AMBRA1: variants seen among roughly 807,000 people sequenced by gnomAD.
The protein encoded by AMBRA1 is autophagy and beclin 1 regulator 1.
A neutral mutation model predicts 125.4 loss-of-function variants in AMBRA1; 47 were observed. The ratio of observed to expected loss-of-function variants is 0.37; its 90% CI spans 0.30 to 0.48. AMBRA1 has a LOEUF of 0.48. Among genes scored for constraint, AMBRA1 ranks in the 20% least tolerant of loss-of-function variants. The pLI is 0.99. For missense variants in AMBRA1, 1,331 were observed against 1,693.4 expected, an observed-to-expected ratio of 0.79 and a Z score of 3.76; for synonymous variants, 626 against 655.5, an observed-to-expected ratio of 0.95 and a Z score of 0.69.
intron 1 of AMBRA1, among the ~76,000 whole-genome samples, chr11:46,569,438 A>ATATATATATATAT (rs1320055263): frequency 3.0e-5 from 4 of 134,272 alleles, no homozygotes; most frequent in Non-Finnish European, 4.6e-5. Context: ...TAAAAAAAAA[A>ATATATATATATAT]AAATATATAT....
chr11:46,440,468 T>C (rs1947949736), intron 12 of AMBRA1, among the ~76,000 whole-genome samples: 2 of 152,180 alleles, frequency 1.3e-5, no homozygotes, highest in Admixed American at 1.3e-4. Flanking sequence ...GGAGGAGTGG[T>C]AGGATTTGGG....
rs59904013 is a variant in AMBRA1 at position 46,527,477 on chromosome 11, CAAAAAA to C, written c.2072+14462_2072+14467del. ...CCTAGGTGACAAAGTGAGACTGTCT[CAAAAAA>C]AAAAAAAAAAAAAAAAAAAAAGGCA... On this transcript the variant is annotated intron_variant, in intron 7 of 17. Transcript: ENST00000683756. 1.3e-3 allele frequency among the ~76,000 whole-genome samples: 35 copies of C among 25,938 alleles called. No individual in the cohort carries two copies. In the South Asian group the frequency reaches 0.014, roughly 10 times the overall value. The allele number at this position is 25,938 out of a possible 152,430, so 17.0% of individuals were successfully genotyped here.
At position 46,408,447 on chromosome 11, in the gene AMBRA1, G is replaced by A. The variant is rs1008494941; in HGVS notation, c.3403+66C>T. On this transcript the variant is annotated intron_variant, in intron 17 of 17. Coordinates refer to ENST00000683756, the MANE Select transcript of AMBRA1 (RefSeq NM_001387011.1). ...ATGGGAGGGGGTATGCATCCTGAGT[G>A]GGAAGTGGCACTCACTCGGTCTTAG... 7.2e-6 allele frequency: 10 copies of A among 1,393,890 alleles called. No homozygotes were observed. The African/African-American group carries it at 1.2e-4, about 16-fold the overall frequency. 86.3% of individuals were successfully genotyped at this position (1,393,890 alleles called of 1,614,324 possible).
Position 46,520,538 on chromosome 11 carries a change from C to T in AMBRA1, c.2073-7725G>A, listed in dbSNP as rs1459153441. Among the ~76,000 whole-genome samples, 5 of 152,004 alleles carry T rather than the reference C, an allele frequency of 3.3e-5. No individual in the cohort carries two copies. In the Middle Eastern group the frequency reaches 0.01, roughly 312 times the overall value. ...GCCTTCAAAGCTCAAATACCTGACT[C>T]CTCCAGCCAGAAGTTCACCCTCTCT... On this transcript the variant is annotated intron_variant, in intron 7 of 17. Coordinates refer to ENST00000683756, the MANE Select transcript of AMBRA1 (RefSeq NM_001387011.1).
intron 7 of AMBRA1, among the ~76,000 whole-genome samples, chr11:46,536,783 C>G (rs927537641): frequency 2.0e-5 from 3 of 152,202 alleles, no homozygotes; most frequent in African/African-American, 7.2e-5. Flanking sequence ...GCAATTCCCC[C>G]ATAAAAGTCT....
chr11:46,572,529 G>A (rs1011293244), intron 1 of AMBRA1, among the ~76,000 whole-genome samples: 3 of 152,072 alleles, frequency 2.0e-5, no homozygotes, highest in East Asian at 1.9e-4. Flanking sequence ...CATCAAAAAC[G>A]AGCACACTAA....
At chr11:46,583,204 AC>A (rs1023794090) in intron 1 of AMBRA1, among the ~76,000 whole-genome samples, 2 of 152,122 alleles carry the variant, frequency 1.3e-5, no homozygotes, top group Middle Eastern at 3.4e-3. Flanking sequence ...CCGCATATCT[AC>A]AACTATCTGA....
intron 9 of AMBRA1, chr11:46,494,565 C>T (rs574565975): frequency 8.9e-5 from 15 of 169,266 alleles, no homozygotes; most frequent in Non-Finnish European, 1.7e-4. Flanking sequence ...GGGGGGTTGT[C>T]TTACATTATT....
At chr11:46,454,873 C>CTTT (rs1008795533) in intron 11 of AMBRA1, among the ~76,000 whole-genome samples, 21 of 134,434 alleles carry the variant, frequency 1.6e-4, no homozygotes, top group African/African-American at 5.0e-4. Context: ...CTGGTATTAG[C>CTTT]TTTTTTTTTT....
chr11:46,579,315 T>G (rs572193556), intron 1 of AMBRA1, among the ~76,000 whole-genome samples: 1 of 151,628 alleles, frequency 6.6e-6, no homozygotes, highest in African/African-American at 2.4e-5. Context: ...AAATTAGCCG[T>G]GTGTGGTGGT....
intron 1 of AMBRA1, among the ~76,000 whole-genome samples, chr11:46,575,318 G>A (rs781075781): frequency 9.9e-5 from 15 of 151,684 alleles, no homozygotes; most frequent in Non-Finnish European, 1.9e-4. Flanking sequence ...TTATCCCAGC[G>A]TGGTGGCACG....
In AMBRA1 at chr11:46,547,230, A is replaced by G. The variant is rs1319438961; in HGVS notation, c.261T>C (p.Cys87=). ...IYITEVKTGK[C]VHSLIGHRRT... ...GGCGGTGTCCAATCAGGGAATGAACACACTTGCCAGTCTTCACCTCCGTAA... is the reference window on the plus strand; with the variant it reads ...GGCGGTGTCCAATCAGGGAATGAACGCACTTGCCAGTCTTCACCTCCGTAA... The change falls in exon 4 of 18, where the codon TGT becomes TGC. Residue 87 remains cysteine, a synonymous_variant. Transcript: ENST00000683756. The G allele has an allele frequency of 3.7e-6, 6 of 1,613,994 alleles. No individual in the cohort carries two copies. In the Admixed American group the frequency reaches 1.0e-4, roughly 27 times the overall value.
chr11:46,576,719 G>A (rs185661600), intron 1 of AMBRA1, among the ~76,000 whole-genome samples: 2 of 152,174 alleles, frequency 1.3e-5, no homozygotes, highest in Admixed American at 1.3e-4. Flanking sequence ...AACACCACCT[G>A]AACAATATCC....
At chr11:46,434,115 C>CAAAA (rs145761376) in intron 13 of AMBRA1, among the ~76,000 whole-genome samples, 917 of 49,974 alleles carry the variant, frequency 0.018, no homozygotes, top group East Asian at 0.036. Context: ...AACTCCGTCT[C>CAAAA]AAAAAAAAAA....
chr11:46,564,171 A>C (rs990948817), intron 1 of AMBRA1, among the ~76,000 whole-genome samples: 4 of 150,810 alleles, frequency 2.7e-5, no homozygotes, highest in Non-Finnish European at 4.4e-5. Context: ...AAAACGTAAG[A>C]GCAATCTTAA....
chr11:46,487,546 T>C (rs1950308955), intron 11 of AMBRA1, among the ~76,000 whole-genome samples: 2 of 152,078 alleles, frequency 1.3e-5, no homozygotes, highest in Admixed American at 1.3e-4. Context: ...TATTAATATA[T>C]ATATAACAGC....
intron 14 of AMBRA1, among the ~76,000 whole-genome samples, chr11:46,426,349 A>G (rs1947134258): frequency 6.6e-6 from 1 of 152,200 alleles, no homozygotes; most frequent in East Asian, 1.9e-4. Flanking sequence ...AAAAGACCAG[A>G]AGAAGCCAGG....
At chr11:46,532,585 C>T (rs1418184897) in intron 7 of AMBRA1, among the ~76,000 whole-genome samples, 1 of 152,118 alleles carries the variant, frequency 6.6e-6, no homozygotes, top group Non-Finnish European at 1.5e-5. Context: ...TACAGGCACC[C>T]ACCACCATGC....
intron 11 of AMBRA1, among the ~76,000 whole-genome samples, chr11:46,460,165 A>T (rs770568717): frequency 3.9e-5 from 6 of 152,260 alleles, no homozygotes; most frequent in Admixed American, 1.3e-4. Flanking sequence ...AATGTTCATC[A>T]ATCGGGAACA....
Sources: gnomAD v4.1 joint callset for allele counts (sites outside exome capture counted in the v4.1 genomes callset) on GRCh38, gnomAD v4.1.1 for gene constraint, MANE v1.5 for transcripts, NCBI Gene and HGNC (gene_info 2026-07-23, HGNC 2026-07-21) for gene names.